ZNF148: variants seen among roughly 807,000 people sequenced by gnomAD.
ZNF148 encodes the protein zinc finger protein 148.
A neutral mutation model predicts 67.7 loss-of-function variants in ZNF148; 7 were observed. The observed-to-expected ratio is 0.10, with a 90% CI of 0.06 to 0.19. The LOEUF is 0.19. ZNF148 is among the 10% of genes least tolerant of loss of function. ZNF148 has a pLI of 1.00. For synonymous variants in ZNF148, 333 were observed against 330.7 expected (o/e 1.01, Z -0.08); for missense variants, 583 against 947.1 (o/e 0.62, Z 5.05).
chr3:125,283,540 T>C (rs1336834787), intron 5 of ZNF148, among the ~76,000 whole-genome samples: 1 of 152,128 alleles, frequency 6.6e-6, no homozygotes, highest in South Asian at 2.1e-4. Flanking sequence ...GGAAAAACAA[T>C]TTATACAAGA....
chr3:125,267,303 T>G (rs1019687648), intron 7 of ZNF148, among the ~76,000 whole-genome samples: 1 of 148,558 alleles, frequency 6.7e-6, no homozygotes, highest in Non-Finnish European at 1.5e-5. Context: ...CTGATGGAAA[T>G]AGATGCAAAA....
Position 125,356,056 on chromosome 3 carries a change from C to T in ZNF148, c.-234+19046G>A, listed in dbSNP as rs557857063. On this transcript the variant is annotated intron_variant, in intron 1 of 8. Coordinates refer to ENST00000360647, the MANE Select transcript of ZNF148 (RefSeq NM_021964.3). ...TCGCATGAAAAATATATCTTCCCCC[C>T]GTTAAAAACCATAAGCATCTGCCTG... Among the ~76,000 whole-genome samples the T allele has an allele frequency of 2.6e-5, 4 of 152,208 alleles. No individual in the cohort carries two copies. The South Asian group carries it at 6.2e-4, about 24-fold the overall frequency.
At chr3:125,340,229 C>A (rs533904468) in intron 1 of ZNF148, among the ~76,000 whole-genome samples, 1 of 152,162 alleles carries the variant, frequency 6.6e-6, no homozygotes, top group East Asian at 1.9e-4. Flanking sequence ...CACATTCCTC[C>A]GCCAAAACAA....
chr3:125,264,251 T>C (rs1937473301), intron 7 of ZNF148, among the ~76,000 whole-genome samples: 1 of 152,244 alleles, frequency 6.6e-6, no homozygotes, highest in African/African-American at 2.4e-5. Flanking sequence ...TTATAGCCAG[T>C]TGGTCAGAAG....
chr3:125,278,779 T>G (rs980976489), intron 6 of ZNF148, among the ~76,000 whole-genome samples: 4 of 152,180 alleles, frequency 2.6e-5, no homozygotes, highest in African/African-American at 4.8e-5. Flanking sequence ...GATTTCCAAA[T>G]CCATGTTTTA....
At chr3:125,310,419 C>T (rs115822873) in intron 4 of ZNF148, among the ~76,000 whole-genome samples, 1 of 151,884 alleles carries the variant, frequency 6.6e-6, no homozygotes, top group Admixed American at 6.6e-5. Flanking sequence ...ATATATTGAA[C>T]TAAATGAAAA....
intron 2 of ZNF148, among the ~76,000 whole-genome samples, chr3:125,328,896 G>A (rs928405747): frequency 1.1e-4 from 16 of 151,980 alleles, no homozygotes; most frequent in African/African-American, 3.9e-4. Flanking sequence ...ATAGACTACT[G>A]ATATTTGGCC....
intron 1 of ZNF148, among the ~76,000 whole-genome samples, chr3:125,342,525 T>C (rs1012645808): frequency 6.6e-6 from 1 of 151,868 alleles, no homozygotes. Context: ...GGGAATTCTA[T>C]ATCCAGTGAA....
intron 2 of ZNF148, among the ~76,000 whole-genome samples, chr3:125,326,523 C>A (rs909931281): frequency 1.3e-5 from 2 of 150,774 alleles, no homozygotes; most frequent in African/African-American, 4.9e-5. Flanking sequence ...TAAAATGGCA[C>A]ACTAAAAAGT....
chr3:125,354,447 T>C (rs1942270118), intron 1 of ZNF148, among the ~76,000 whole-genome samples: 1 of 152,236 alleles, frequency 6.6e-6, no homozygotes, highest in Non-Finnish European at 1.5e-5. Flanking sequence ...ACCCCATTGA[T>C]ACTTCTTCTG....
At chr3:125,286,825 A>C (rs187828269) in intron 5 of ZNF148, among the ~76,000 whole-genome samples, 33 of 152,322 alleles carry the variant, frequency 2.2e-4, no homozygotes, top group African/African-American at 7.9e-4. Flanking sequence ...TATGGCAGAA[A>C]ATCCAAGTAG....
chr3:125,355,665 T>C lies in ZNF148; in HGVS notation c.-234+19437A>G, dbSNP rs142543440. On this transcript the variant is annotated intron_variant, in intron 1 of 8. Coordinates refer to ENST00000360647, the MANE Select transcript of ZNF148 (RefSeq NM_021964.3). ...ACTTTGGGAGGCCGAGGCAGGAGGA[T>C]AGCTTGAGGCCAGGTGTTTGAGACC... is the stretch of plus-strand genomic sequence containing the variant. Among the ~76,000 whole-genome samples, 150 of 151,672 alleles carry C rather than the reference T, an allele frequency of 9.9e-4. 1 individual carries two copies. Among genetic ancestry groups the C allele is most frequent in the African/African-American group, 3.1e-3 (128 of 41,324 alleles).
chr3:125,261,851 A>G (rs1282257038), intron 7 of ZNF148, among the ~76,000 whole-genome samples: 1 of 150,128 alleles, frequency 6.7e-6, no homozygotes, highest in African/African-American at 2.5e-5. Context: ...TTTTAACACA[A>G]AGGGCCACAG....
intron 7 of ZNF148, among the ~76,000 whole-genome samples, chr3:125,238,674 G>A (rs1408295609): frequency 6.6e-6 from 1 of 152,156 alleles, no homozygotes; most frequent in Non-Finnish European, 1.5e-5. Context: ...TAGGAAATAT[G>A]TCTGCTGTTG....
At chr3:125,350,473 T>A (rs1942105813) in intron 1 of ZNF148, among the ~76,000 whole-genome samples, 1 of 152,210 alleles carries the variant, frequency 6.6e-6, no homozygotes, top group East Asian at 1.9e-4. Flanking sequence ...CATGGATTTT[T>A]GAGGAAATAT....
chr3:125,234,552 C>T (rs1364483232), intron 7 of ZNF148, among the ~76,000 whole-genome samples: 1 of 152,036 alleles, frequency 6.6e-6, no homozygotes, highest in Non-Finnish European at 1.5e-5. Context: ...TTGTTATGTG[C>T]GTATGTAATA....
intron 4 of ZNF148, among the ~76,000 whole-genome samples, chr3:125,311,967 A>G (rs535285287): frequency 6.6e-6 from 1 of 152,276 alleles, no homozygotes; most frequent in East Asian, 1.9e-4. Context: ...CCAAAACAGA[A>G]AGCACCAGAC....
chr3:125,304,484 A>G (rs1939768368), intron 4 of ZNF148, among the ~76,000 whole-genome samples: 2 of 152,154 alleles, frequency 1.3e-5, no homozygotes, highest in Admixed American at 6.5e-5. Flanking sequence ...GTATCCACGC[A>G]GGGCAGGGGT....
chr3:125,302,910 C>G (rs983211213), intron 4 of ZNF148, among the ~76,000 whole-genome samples: 3 of 152,166 alleles, frequency 2.0e-5, no homozygotes, highest in African/African-American at 4.8e-5. Context: ...AACCTGCACA[C>G]AAATGTTAAT....
Sources: allele counts gnomAD v4.1 joint callset (sites outside exome capture counted in the v4.1 genomes callset), GRCh38; gene constraint gnomAD v4.1.1; transcripts MANE v1.5; gene names NCBI Gene and HGNC (gene_info 2026-07-23, HGNC 2026-07-21).